The following UBE2V2 variants were observed in gnomAD, a reference collection of about 807,000 sequenced individuals.
UBE2V2 encodes ubiquitin conjugating enzyme E2 V2, also known as ubiquitin-conjugating enzyme E2 variant 2.
A neutral mutation model predicts 17.2 loss-of-function variants in UBE2V2; 9 were observed. The ratio of observed to expected loss-of-function variants is 0.52; its 90% CI spans 0.32 to 0.91. The LOEUF is 0.91. Among genes scored for constraint, UBE2V2 ranks in the 40% least tolerant of loss-of-function variants. UBE2V2 has a pLI of 0.04. For missense variants in UBE2V2, 133 were observed against 182.6 expected, an observed-to-expected ratio of 0.73 and a Z score of 1.56; for synonymous variants, 61 against 57.5, an observed-to-expected ratio of 1.06 and a Z score of -0.28.
intron 1 of UBE2V2, among the ~76,000 whole-genome samples, chr8:48,016,469 A>C (rs2091269699): frequency 6.6e-6 from 1 of 151,512 alleles, no homozygotes. Context: ...CATACTCACC[A>C]ACACTTGTTA....
At chr8:47,997,931 T>C in the UBE2V2 span, among the ~76,000 whole-genome samples, 1 of 151,662 alleles carries the variant, frequency 6.6e-6, no homozygotes, top group Non-Finnish European at 1.5e-5. Context: ...CGGCTGGGGC[T>C]ATTGGGGTGA....
At chr8:48,002,041 A>T in the UBE2V2 span, among the ~76,000 whole-genome samples, 1 of 152,068 alleles carries the variant, frequency 6.6e-6, no homozygotes, top group Admixed American at 6.6e-5. Flanking sequence ...GTGAGCTGAG[A>T]TTGCGCTATT....
rs143722213 is a variant in UBE2V2, at chr8:48,011,190, C to T, written c.16+2720C>T. Among the ~76,000 whole-genome samples the T allele has an allele frequency of 5.2e-3, 795 of 152,100 alleles. 12 individuals carry two copies. The highest frequency in any genetic ancestry group is 0.019 in the African/African-American group (769 of 41,502). On this transcript the variant is annotated intron_variant, in intron 1 of 3. Transcript: ENST00000523111. ...ATGTAATGCACGTGTTTGTTTGAAA[C>T]GGAGTCTCGCCTTGTTGCTCAGGCT...
upstream of UBE2V2, chr8:48,008,356 C>A: frequency 1.4e-6 from 2 of 1,418,292 alleles, no homozygotes; most frequent in East Asian, 3.0e-5. Flanking sequence ...CCGCCGGGGG[C>A]GGAGTCCGCT....
intron 1 of UBE2V2, among the ~76,000 whole-genome samples, chr8:48,027,978 C>T (rs1156832678): frequency 6.6e-6 from 1 of 151,708 alleles, no homozygotes; most frequent in Non-Finnish European, 1.5e-5. Flanking sequence ...CTCAACCTCC[C>T]AAGTAGCTGG....
At chr8:48,007,743 T>C (rs1033485347), upstream of UBE2V2, among the ~76,000 whole-genome samples, 7 of 426 alleles carry the variant, frequency 0.016, no homozygotes, top group African/African-American at 0.041. Flanking sequence ...CTTTCTTTCT[T>C]TTTTTTTTTT....
chr8:48,014,461 C>T (rs2091254248), intron 1 of UBE2V2, among the ~76,000 whole-genome samples: 4 of 150,588 alleles, frequency 2.7e-5, no homozygotes, highest in Non-Finnish European at 5.9e-5. Flanking sequence ...CTGGCTAACA[C>T]AGTGAAACCC....
At chr8:48,012,338 G>C (rs1287588840) in intron 1 of UBE2V2, among the ~76,000 whole-genome samples, 1 of 151,976 alleles carries the variant, frequency 6.6e-6, no homozygotes, top group East Asian at 1.9e-4. Flanking sequence ...AGCTACTCTC[G>C]GGAATAGAAA....
intron 1 of UBE2V2, among the ~76,000 whole-genome samples, chr8:48,014,724 G>C: frequency 6.7e-6 from 1 of 149,668 alleles, no homozygotes; most frequent in Non-Finnish European, 1.5e-5. Context: ...TAAAGTATCA[G>C]ATATTAAGAA....
At chr8:48,010,377 G>A (rs2091219423) in intron 1 of UBE2V2, among the ~76,000 whole-genome samples, 1 of 148,840 alleles carries the variant, frequency 6.7e-6, no homozygotes, top group Admixed American at 6.7e-5. Flanking sequence ...TTACAGGGGT[G>A]AGCCACCGTT....
At position 48,037,557 on chromosome 8, in the gene UBE2V2, G is replaced by A. The variant is rs943254619; in HGVS notation, c.17-5476G>A. 8.5e-5 allele frequency among the ~76,000 whole-genome samples: 13 copies of A among 152,160 alleles called. No individual in the cohort carries two copies. In the East Asian group the frequency reaches 2.1e-3, roughly 25 times the overall value. On this transcript the variant is annotated intron_variant, in intron 1 of 3. Coordinates refer to ENST00000523111, the MANE Select transcript of UBE2V2 (RefSeq NM_003350.3). ...AGGTTCTTAGTAGAGCAAAACTCTC[G>A]CTTTATGATGTTACCTCCTCCTTCT...
chr8:48,004,679 C>T (rs534519398), upstream of UBE2V2, among the ~76,000 whole-genome samples: 26 of 151,762 alleles, frequency 1.7e-4, no homozygotes, highest in South Asian at 1.7e-3. Flanking sequence ...TACAGGTGGC[C>T]GCCACCATAC....
intron 2 of UBE2V2, among the ~76,000 whole-genome samples, chr8:48,046,663 G>A (rs2091501601): frequency 1.3e-5 from 2 of 151,854 alleles, no homozygotes; most frequent in South Asian, 4.2e-4. Context: ...GTAGTGGCCC[G>A]ATCACACCTC....
At chr8:48,015,716 C>G (rs1400079827) in intron 1 of UBE2V2, among the ~76,000 whole-genome samples, 1 of 152,026 alleles carries the variant, frequency 6.6e-6, no homozygotes, top group South Asian at 2.1e-4. Context: ...AATTTTGACT[C>G]CATATATGAG....
intron 2 of UBE2V2, among the ~76,000 whole-genome samples, chr8:48,048,941 A>AT (rs898737102): frequency 6.6e-6 from 1 of 151,300 alleles, no homozygotes; most frequent in Non-Finnish European, 1.5e-5. Flanking sequence ...CTTTAAAACA[A>AT]TTTTTTTTTC....
Position 48,011,992 on chromosome 8 carries a change from GTCT to G in UBE2V2, c.16+3527_16+3529del, listed in dbSNP as rs1325728105. 3.9e-5 allele frequency among the ~76,000 whole-genome samples: 6 copies of G among 152,236 alleles called. No individual in the cohort carries two copies. In the South Asian group the frequency reaches 8.3e-4, roughly 21 times the overall value. On this transcript the variant is annotated intron_variant, in intron 1 of 3. Transcript: ENST00000523111. ...GAAACATTTTTGGCCATCCCATCTGGTCTTCTTATTTTGCAGATGAGAAAACTG... is the reference window on the plus strand; with the variant it reads ...GAAACATTTTTGGCCATCCCATCTGGTCTTATTTTGCAGATGAGAAAACTG...
upstream of UBE2V2, among the ~76,000 whole-genome samples, chr8:48,007,663 C>T (rs1040622755): frequency 9.3e-5 from 14 of 151,050 alleles, no homozygotes; most frequent in Non-Finnish European, 1.9e-4. Context: ...CATCCTCCTG[C>T]CTCAGCCTCC....
At chr8:48,016,081 G>A (rs2091267367) in intron 1 of UBE2V2, among the ~76,000 whole-genome samples, 1 of 152,010 alleles carries the variant, frequency 6.6e-6, no homozygotes, top group South Asian at 2.1e-4. Flanking sequence ...TATTTTAGTA[G>A]AGATGGGGTT....
chr8:48,015,068 A>G (rs966028939), intron 1 of UBE2V2, among the ~76,000 whole-genome samples: 1 of 150,446 alleles, frequency 6.6e-6, no homozygotes, highest in African/African-American at 2.4e-5. Context: ...AAAAAAAAAA[A>G]AAATAAGGCT....
Sources: gnomAD v4.1 joint callset for allele counts (sites outside exome capture counted in the v4.1 genomes callset) on GRCh38, gnomAD v4.1.1 for gene constraint, MANE v1.5 for transcripts, NCBI Gene and HGNC (gene_info 2026-07-23, HGNC 2026-07-21) for gene names.